The following NFAT5 variants were observed in gnomAD, a reference collection of about 807,000 sequenced individuals.
The protein encoded by NFAT5 is nuclear factor of activated T cells 5.
NFAT5 carries 31 observed loss-of-function variants against 166.5 expected under a neutral mutation model. The ratio of observed to expected loss-of-function variants is 0.19; its 90% CI spans 0.14 to 0.25. The LOEUF (loss-of-function observed/expected upper bound fraction) is 0.25. Among genes scored for constraint, NFAT5 ranks in the 10% least tolerant of loss-of-function variants. The pLI, the probability that NFAT5 is intolerant of heterozygous loss-of-function variation, is 1.00. For synonymous variants in NFAT5, 612 were observed against 639.7 expected (o/e 0.96, Z 0.65); for missense variants, 1,449 against 1,821.8 (o/e 0.80, Z 3.72).
chr16:69,630,047 C>T (rs1223418214), intron 3 of NFAT5, among the ~76,000 whole-genome samples: 1 of 151,976 alleles, frequency 6.6e-6, no homozygotes, highest in Non-Finnish European at 1.5e-5. Flanking sequence ...AGCAGTTCTC[C>T]TGCCTCAGCC....
chr16:69,629,893 T>C (rs1339652414), intron 3 of NFAT5, among the ~76,000 whole-genome samples: 1 of 150,846 alleles, frequency 6.6e-6, no homozygotes, highest in Admixed American at 6.6e-5. Flanking sequence ...TTCAGTCTCC[T>C]GAGTAGCTGG....
At chr16:69,585,185 A>AT (rs2142944074) in intron 2 of NFAT5, among the ~76,000 whole-genome samples, 1 of 151,142 alleles carries the variant, frequency 6.6e-6, no homozygotes, top group East Asian at 2.0e-4. Context: ...TTTTTTTTGT[A>AT]TTTTTAGTAG....
intron 4 of NFAT5, among the ~76,000 whole-genome samples, chr16:69,652,749 T>G (rs913723124): frequency 1.2e-4 from 10 of 83,158 alleles, no homozygotes; most frequent in African/African-American, 3.5e-4. Context: ...TTTGGGGGTT[T>G]GTTTTTTGTT....
intron 2 of NFAT5, among the ~76,000 whole-genome samples, chr16:69,588,158 G>A (rs2032216176): frequency 6.6e-6 from 1 of 151,746 alleles, no homozygotes; most frequent in Non-Finnish European, 1.5e-5. Flanking sequence ...CACCATGTTG[G>A]CCAGGCTGGT....
At chr16:69,604,876 T>G (rs2033323064) in intron 2 of NFAT5, among the ~76,000 whole-genome samples, 1 of 152,216 alleles carries the variant, frequency 6.6e-6, no homozygotes, top group Non-Finnish European at 1.5e-5. Flanking sequence ...CCTTGTAGCA[T>G]GTACTTCATT....
intron 2 of NFAT5, among the ~76,000 whole-genome samples, chr16:69,601,810 ACTGTT>A (rs1306401961): frequency 6.6e-6 from 1 of 152,210 alleles, no homozygotes; most frequent in African/African-American, 2.4e-5. Context: ...TGGTATGAGT[ACTGTT>A]CTAAGTACTT....
At chr16:69,602,435 T>G (rs1041332126) in intron 2 of NFAT5, among the ~76,000 whole-genome samples, 7 of 151,780 alleles carry the variant, frequency 4.6e-5, no homozygotes, top group African/African-American at 1.7e-4. Flanking sequence ...CCTGGCTAAT[T>G]TTTTGTATTT....
At chr16:69,672,996 C>T (rs761938549) in intron 9 of NFAT5, among the ~76,000 whole-genome samples, 2 of 147,924 alleles carry the variant, frequency 1.4e-5, no homozygotes, top group African/African-American at 2.6e-5. Flanking sequence ...ATAAGTTATC[C>T]TCCCTCCCTA....
chr16:69,574,705 G>T (rs1360912667), intron 2 of NFAT5, among the ~76,000 whole-genome samples: 1 of 148,630 alleles, frequency 6.7e-6, no homozygotes, highest in African/African-American at 2.5e-5. Flanking sequence ...GTCGTGCTCT[G>T]TCACCCAGGC....
At chr16:69,593,476 A>AC (rs1300078874) in intron 2 of NFAT5, among the ~76,000 whole-genome samples, 1 of 134,428 alleles carries the variant, frequency 7.4e-6, no homozygotes, top group African/African-American at 3.1e-5. Context: ...AGGCCCAGCT[A>AC]ATTTTTTTTT....
intron 2 of NFAT5, among the ~76,000 whole-genome samples, chr16:69,594,553 G>A (rs558066999): frequency 1.4e-4 from 22 of 152,088 alleles, no homozygotes; most frequent in Admixed American, 5.9e-4. Flanking sequence ...CATATAGCAG[G>A]TTTCTGTATA....
intron 2 of NFAT5, among the ~76,000 whole-genome samples, chr16:69,609,193 A>G (rs2033582444): frequency 6.6e-6 from 1 of 152,018 alleles, no homozygotes; most frequent in African/African-American, 2.4e-5. Flanking sequence ...TCTTTCCTAG[A>G]CTCTTCAGAA....
intron 2 of NFAT5, among the ~76,000 whole-genome samples, chr16:69,597,198 A>C (rs989952203): frequency 2.6e-5 from 4 of 152,130 alleles, no homozygotes; most frequent in Non-Finnish European, 5.9e-5. Context: ...AGAAGAGGGA[A>C]GGAGAGGGAA....
At position 69,684,784 on chromosome 16, in the gene NFAT5, T is replaced by A. The variant is rs993600210; in HGVS notation, c.1691-103T>A. 8.2e-6 allele frequency: 6 copies of A among 733,606 alleles called. No homozygotes were observed. The African/African-American group carries it at 1.1e-4, about 13-fold the overall frequency. 45.4% of individuals were successfully genotyped at this position (733,606 alleles called of 1,614,324 possible). A position where few individuals can be genotyped will look rare whatever the true frequency, so the allele number is the denominator to read the frequency against. The stretch of plus-strand genomic sequence containing the variant: ...ACTAGAATTTCTGCTAAATAAATAA[T>A]TAAATGATACTTTGTGACAAGATAT... On this transcript the variant is annotated intron_variant, in intron 10 of 14. Transcript: ENST00000349945.
chr16:69,607,647 A>C (rs1466409615), intron 2 of NFAT5, among the ~76,000 whole-genome samples: 1 of 152,232 alleles, frequency 6.6e-6, no homozygotes, highest in Non-Finnish European at 1.5e-5. Context: ...CTTCTAGAGC[A>C]TAGCCACTGG....
At chr16:69,598,871 G>A (rs1384016713) in intron 2 of NFAT5, among the ~76,000 whole-genome samples, 2 of 151,740 alleles carry the variant, frequency 1.3e-5, no homozygotes, top group South Asian at 2.1e-4. Flanking sequence ...AAAATTAGCC[G>A]GGCGCGATGG....
At chr16:69,684,203 G>A (rs2037188003) in intron 10 of NFAT5, among the ~76,000 whole-genome samples, 1 of 148,630 alleles carries the variant, frequency 6.7e-6, no homozygotes, top group Non-Finnish European at 1.5e-5. Context: ...AGGTTGCAGT[G>A]AGCCAGGATC....
chr16:69,674,379 A>T (rs2036750543), intron 9 of NFAT5, among the ~76,000 whole-genome samples: 1 of 151,982 alleles, frequency 6.6e-6, no homozygotes, highest in South Asian at 2.1e-4. Context: ...ACCAAATATG[A>T]TGGGTACATG....
At chr16:69,637,485 A>T (rs1316379242) in intron 3 of NFAT5, among the ~76,000 whole-genome samples, 4 of 152,016 alleles carry the variant, frequency 2.6e-5, no homozygotes, top group Admixed American at 2.6e-4. Flanking sequence ...GTTCATTTGG[A>T]CTTACAGTTC....
Sources: allele counts gnomAD v4.1 joint callset (sites outside exome capture counted in the v4.1 genomes callset), GRCh38; gene constraint gnomAD v4.1.1; transcripts MANE v1.5; gene names NCBI Gene and HGNC (gene_info 2026-07-23, HGNC 2026-07-21).